The following FRRS1 variants were observed in gnomAD, a reference collection of about 807,000 sequenced individuals.
The protein encoded by FRRS1 is ferric chelate reductase 1, also known as ferric reductase 1.
FRRS1 carries 51 observed loss-of-function variants against 70.7 expected under a neutral mutation model. That is an observed-to-expected ratio of 0.72 (90% CI 0.58 to 0.91). FRRS1 has a LOEUF of 0.91. Among genes scored for constraint, FRRS1 ranks in the 40% least tolerant of loss-of-function variants. FRRS1 has a pLI of 0.00. For missense variants in FRRS1, 672 were observed against 726.0 expected, an observed-to-expected ratio of 0.93 and a Z score of 0.86; for synonymous variants, 225 against 238.7, an observed-to-expected ratio of 0.94 and a Z score of 0.53.
intron 8 of FRRS1, among the ~76,000 whole-genome samples, chr1:99,729,079 A>G (rs1655213450): frequency 6.6e-6 from 1 of 152,242 alleles, no homozygotes; most frequent in African/African-American, 2.4e-5. Context: ...CAGTTATGTC[A>G]TTAAGTAATA....
In FRRS1 at chr1:99,720,173, C is replaced by T. The variant is rs1654745202; in HGVS notation, c.1007-526G>A. On this transcript the variant is annotated intron_variant, in intron 9 of 16. Transcript: ENST00000646001. ...CACATGGTCAATTTGAACTGACAAA[C>T]CAAAATTCCAAATAGTAGTGACATA... 2.0e-5 allele frequency among the ~76,000 whole-genome samples: 3 copies of T among 152,146 alleles called. No individual in the cohort carries two copies. In the South Asian group the frequency reaches 6.2e-4, roughly 32 times the overall value.
chr1:99,749,685 T>C (rs1356064383), intron 1 of FRRS1, among the ~76,000 whole-genome samples: 1 of 152,184 alleles, frequency 6.6e-6, no homozygotes. Flanking sequence ...AGAAACACAA[T>C]TGTCAGCCCA....
At position 99,708,806 on chromosome 1, in the gene FRRS1, G is replaced by A; in HGVS notation, c.*222C>T. ...TCCTGAAGTACAATCTTTCCTTTAA[G>A]ACCCAGAATTACATATAGGGCATGA... On this transcript the variant is annotated 3_prime_UTR_variant, in exon 17 of 17. Coordinates refer to ENST00000646001, the MANE Select transcript of FRRS1 (RefSeq NM_001361041.2). 1.3e-6 allele frequency: 1 copy of A among 772,834 alleles called. No individual in the cohort carries two copies. The highest frequency in any genetic ancestry group is 2.1e-6 in the Non-Finnish European group (1 of 480,076). The allele number at this position is 772,834 out of a possible 1,614,324, so 47.9% of individuals were successfully genotyped here. A position where few individuals can be genotyped will look rare whatever the true frequency, so the allele number is the denominator to read the frequency against.
At chr1:99,727,304 T>A (rs1471978634) in intron 9 of FRRS1, among the ~76,000 whole-genome samples, 3 of 152,206 alleles carry the variant, frequency 2.0e-5, no homozygotes, top group African/African-American at 7.2e-5. Context: ...TTTTTACTCA[T>A]TATTATCAAG....
At chr1:99,759,287 C>G (rs886181009) in intron 1 of FRRS1, among the ~76,000 whole-genome samples, 3 of 152,198 alleles carry the variant, frequency 2.0e-5, no homozygotes, top group Non-Finnish European at 4.4e-5. Flanking sequence ...TATGTGATGT[C>G]ACCCCCAGCA....
intron 1 of FRRS1, among the ~76,000 whole-genome samples, chr1:99,755,422 A>G (rs1033180666): frequency 1.3e-5 from 2 of 151,944 alleles, no homozygotes; most frequent in Non-Finnish European, 2.9e-5. Context: ...GGGGAGAGAG[A>G]GAAAGGGAGG....
At chr1:99,720,503 A>G (rs536412121) in intron 9 of FRRS1, among the ~76,000 whole-genome samples, 34 of 152,158 alleles carry the variant, frequency 2.2e-4, no homozygotes, top group Non-Finnish European at 4.1e-4. Context: ...ATATATATAT[A>G]TGAACCTTTG....
rs187449633 is a variant in FRRS1 at position 99,722,611 on chromosome 1, A to G, written c.1007-2964T>C. ...AAAGTAATGATAAAATATCATCTCAATCACTGCCCAAAAGACATTTGATGA... is the reference window on the plus strand; with the variant it reads ...AAAGTAATGATAAAATATCATCTCAGTCACTGCCCAAAAGACATTTGATGA... On this transcript the variant is annotated intron_variant, in intron 9 of 16. Transcript: ENST00000646001. 1.1e-4 allele frequency among the ~76,000 whole-genome samples: 17 copies of G among 152,354 alleles called. No homozygotes were observed. The East Asian group carries it at 3.1e-3, about 28-fold the overall frequency.
Position 99,704,989 on chromosome 1 carries a change from G to GGTGT in FRRS1, c.*4038_*4039insACAC. On this transcript the variant is annotated 3_prime_UTR_variant, in exon 17 of 17. Transcript: ENST00000646001. ...CGATTCTCCTGGTACACCAAGGCAA[G>GGTGT]AACCCAGGGATACAGAAAGCCCTCT... Among the ~76,000 whole-genome samples the GGTGT allele has an allele frequency of 6.6e-6, 1 of 152,210 alleles. No individual in the cohort carries two copies.
In FRRS1 at chr1:99,738,266, G is replaced by A. The variant is rs1655778876; in HGVS notation, c.579C>T (p.Phe193=). The A allele has an allele frequency of 1.3e-6, 2 of 1,573,098 alleles. No individual in the cohort carries two copies. The highest frequency in any genetic ancestry group is 1.7e-6 in the Non-Finnish European group (2 of 1,162,224). ...LPPVSHLTKP[F]SASDCGNKKF... ...TCTTGTTCCCACAATCTGAGGCACT[G>A]AACTAGAAAAATGACAGAGGAAAAA... is the stretch of plus-strand genomic sequence containing the variant. Residue 193 remains phenylalanine (F), a splice_region_variant and synonymous_variant, in exon 7 of 17, where the codon TTC becomes TTT. Transcript: ENST00000646001.
intron 6 of FRRS1, among the ~76,000 whole-genome samples, chr1:99,739,804 AAG>A (rs1165288145): frequency 2.6e-5 from 4 of 152,162 alleles, no homozygotes; most frequent in Non-Finnish European, 5.9e-5. Context: ...AATTTGCCCA[AAG>A]ACACACGAAA....
chr1:99,722,783 T>A (rs775317477), intron 9 of FRRS1, among the ~76,000 whole-genome samples: 4 of 152,042 alleles, frequency 2.6e-5, no homozygotes, highest in Non-Finnish European at 4.4e-5. Flanking sequence ...AAATAAAAAA[T>A]AACCACAAAA....
At chr1:99,727,530 T>C (rs913464031) in intron 9 of FRRS1, among the ~76,000 whole-genome samples, 2 of 152,230 alleles carry the variant, frequency 1.3e-5, no homozygotes, top group African/African-American at 2.4e-5. Context: ...TTTATTCTGC[T>C]TCAAAACTTT....
rs551675803 is a variant in FRRS1 at position 99,762,340 on chromosome 1, T to C, written c.-106+4267A>G. 2.1e-4 allele frequency among the ~76,000 whole-genome samples: 32 copies of C among 152,344 alleles called. No individual in the cohort carries two copies. In the South Asian group the frequency reaches 6.6e-3, roughly 32 times the overall value. On this transcript the variant is annotated intron_variant, in intron 1 of 16. Transcript: ENST00000646001. ...TTTGGAGGCAGTAAGGAAGTCTAAC[T>C]AGAATCAAAATCAAATGTCAGAAAT...
At chr1:99,729,115 G>C (rs914318779) in intron 8 of FRRS1, among the ~76,000 whole-genome samples, 3 of 152,206 alleles carry the variant, frequency 2.0e-5, no homozygotes, top group Admixed American at 2.0e-4. Flanking sequence ...GAGCTCATTT[G>C]CTGTCATTAA....
intron 1 of FRRS1, among the ~76,000 whole-genome samples, chr1:99,753,403 T>A (rs2153096): frequency 0.49 from 74,782 of 151,146 alleles, 22,461 homozygotes; most frequent in African/African-American, 0.85. Flanking sequence ...TGATTTTTTT[T>A]AAAAAGACAA....
chr1:99,744,275 C>T (rs1452926478), intron 4 of FRRS1, among the ~76,000 whole-genome samples: 2 of 151,972 alleles, frequency 1.3e-5, no homozygotes, highest in East Asian at 1.9e-4. Flanking sequence ...TATATGACAA[C>T]GTAAAGCAAA....
intron 11 of FRRS1, among the ~76,000 whole-genome samples, chr1:99,715,903 G>T (rs1326982296): frequency 6.6e-6 from 1 of 151,984 alleles, no homozygotes; most frequent in East Asian, 1.9e-4. Flanking sequence ...AAAAGTGTTT[G>T]CCAAGACTTC....
At chr1:99,710,332 A>G (rs1211838605) in intron 15 of FRRS1, among the ~76,000 whole-genome samples, 3 of 149,766 alleles carry the variant, frequency 2.0e-5, no homozygotes, top group Admixed American at 6.6e-5. Flanking sequence ...TAAAGAGCAA[A>G]AGCAAAATCA....
Sources: allele counts gnomAD v4.1 joint callset (sites outside exome capture counted in the v4.1 genomes callset), GRCh38; gene constraint gnomAD v4.1.1; transcripts MANE v1.5; gene names NCBI Gene and HGNC (gene_info 2026-07-23, HGNC 2026-07-21).